Variants in DLEU7 observed in about 807,000 individuals in gnomAD.
DLEU7 encodes deleted in lymphocytic leukemia 7, also known as leukemia-associated protein 7.
In DLEU7, 17 loss-of-function variants were observed where a neutral mutation model predicts 16.0. The ratio of observed to expected loss-of-function variants is 1.06; its 90% confidence interval spans 0.73 to 1.59. The LOEUF is 1.59. DLEU7 is among the 40% of genes most tolerant of loss of function. The probability of loss-of-function intolerance (pLI) is 0.00; values close to 1 mark genes in which losing one functional copy is unlikely to be tolerated. For synonymous variants in DLEU7, 113 were observed against 139.8 expected, an observed-to-expected ratio of 0.81 and a Z score of 1.35; for missense variants, 308 against 314.9, an observed-to-expected ratio of 0.98 and a Z score of 0.17.
At chr13:50,818,658 A>G (rs990847448), downstream of DLEU7, 1 of 152,170 alleles carries the variant, frequency 6.6e-6, no homozygotes, top group East Asian at 1.9e-4. Context: ...AACAATGGAA[A>G]TGTATTCTCT....
intron 1 of DLEU7, among the ~76,000 whole-genome samples, chr13:50,773,189 A>C (rs545500655): frequency 6.6e-6 from 1 of 152,288 alleles, no homozygotes; most frequent in African/African-American, 2.4e-5. Context: ...CAAGGTTTTT[A>C]GCTTCCTTGC....
chr13:50,783,149 A>G (rs1875702557), intron 1 of DLEU7, among the ~76,000 whole-genome samples: 1 of 152,126 alleles, frequency 6.6e-6, no homozygotes, highest in Non-Finnish European at 1.5e-5. Context: ...GTGTTTCTCC[A>G]TTTCTCAGGG....
chr13:50,839,603 G>A (rs1264910729), intron 1 of DLEU7, among the ~76,000 whole-genome samples: 1 of 152,130 alleles, frequency 6.6e-6, no homozygotes, highest in Non-Finnish European at 1.5e-5. Flanking sequence ...TAGGCATGAG[G>A]CTAAAGCTGA....
At chr13:50,730,729 A>G (rs1242797324) in intron 1 of DLEU7, among the ~76,000 whole-genome samples, 1 of 152,196 alleles carries the variant, frequency 6.6e-6, no homozygotes. Flanking sequence ...AATTCACTCA[A>G]TGGCTGCATC....
chr13:50,831,891 A>G (rs1193021496), intron 1 of DLEU7, among the ~76,000 whole-genome samples: 1 of 152,172 alleles, frequency 6.6e-6, no homozygotes, highest in African/African-American at 2.4e-5. Flanking sequence ...GTTTGCCAGT[A>G]TTTTACTGAG....
At chr13:50,786,197 A>C (rs1460816449) in intron 1 of DLEU7, among the ~76,000 whole-genome samples, 1 of 152,168 alleles carries the variant, frequency 6.6e-6, no homozygotes, top group Non-Finnish European at 1.5e-5. Context: ...CCATCATCAA[A>C]GAGCCTGATT....
At chr13:50,840,055 T>C (rs1391968639) in intron 1 of DLEU7, 4 of 152,194 alleles carry the variant, frequency 2.6e-5, no homozygotes, top group African/African-American at 7.2e-5. Context: ...ATCTGCGCCA[T>C]GGGCTTTAGT....
chr13:50,730,880 G>A (rs891602828), intron 1 of DLEU7, among the ~76,000 whole-genome samples: 22 of 152,180 alleles, frequency 1.4e-4, no homozygotes, highest in South Asian at 4.2e-4. Context: ...TGGAGACAGG[G>A]AATCCATGGC....
chr13:50,742,162 G>A (rs1161785875), intron 1 of DLEU7, among the ~76,000 whole-genome samples: 1 of 152,028 alleles, frequency 6.6e-6, no homozygotes, highest in East Asian at 1.9e-4. Flanking sequence ...GGAAGTTTAG[G>A]TACAAGAGAT....
At chr13:50,812,116 T>C (rs1024204963) in intron 1 of DLEU7, among the ~76,000 whole-genome samples, 3 of 150,198 alleles carry the variant, frequency 2.0e-5, no homozygotes, top group Non-Finnish European at 4.4e-5. Flanking sequence ...AGTTGGTGAA[T>C]ATCAGTGGGG....
intron 1 of DLEU7, among the ~76,000 whole-genome samples, chr13:50,787,756 C>G (rs963501431): frequency 2.6e-5 from 4 of 151,898 alleles, no homozygotes; most frequent in Admixed American, 2.6e-4. Flanking sequence ...ATAGCAGCAC[C>G]CAAGACTCCC....
At chr13:50,814,678 T>TACACACACACACAC in intron 1 of DLEU7, among the ~76,000 whole-genome samples, 1 of 140,336 alleles carries the variant, frequency 7.1e-6, no homozygotes, top group South Asian at 2.6e-4. Context: ...TACATAGAAC[T>TACACACACACACAC]ACACACACAC....
intron 1 of DLEU7, among the ~76,000 whole-genome samples, chr13:50,783,851 C>T (rs143911175): frequency 1.2e-4 from 19 of 152,330 alleles, no homozygotes; most frequent in South Asian, 1.0e-3. Context: ...GCCATAGGCT[C>T]TCCCCATGCT....
At chr13:50,720,466 A>G (rs957694243) in intron 1 of DLEU7, among the ~76,000 whole-genome samples, 3 of 152,238 alleles carry the variant, frequency 2.0e-5, no homozygotes, top group Non-Finnish European at 4.4e-5. Flanking sequence ...GTGATGATGT[A>G]TGTGAGAGCA....
At chr13:50,815,009 TTAAA>T (rs1234335280) in intron 1 of DLEU7, among the ~76,000 whole-genome samples, 1 of 152,040 alleles carries the variant, frequency 6.6e-6, no homozygotes, top group African/African-American at 2.4e-5. Context: ...ATAATTCTAT[TTAAA>T]TAAAAGGTAA....
intron 1 of DLEU7, among the ~76,000 whole-genome samples, chr13:50,840,398 T>G (rs1286518234): frequency 1.3e-5 from 2 of 152,188 alleles, no homozygotes; most frequent in African/African-American, 4.8e-5. Flanking sequence ...AGATATTACC[T>G]ATTCTGCAAA....
chr13:50,827,696 G>GA (rs1164537783), intron 1 of DLEU7, among the ~76,000 whole-genome samples: 7 of 151,826 alleles, frequency 4.6e-5, no homozygotes, highest in African/African-American at 1.7e-4. Flanking sequence ...CAAAGAAAAA[G>GA]AAAAAACAGA....
intron 1 of DLEU7, among the ~76,000 whole-genome samples, chr13:50,755,766 C>T (rs144465997): frequency 0.014 from 2,088 of 151,480 alleles, 52 homozygotes; most frequent in African/African-American, 0.047. Context: ...GGGGGGGGCA[C>T]GGTATTAAAG....
intron 1 of DLEU7, among the ~76,000 whole-genome samples, chr13:50,812,370 T>C (rs1458889306): frequency 6.6e-6 from 1 of 152,152 alleles, no homozygotes; most frequent in African/African-American, 2.4e-5. Flanking sequence ...CATTTCGGGT[T>C]TGACTGACAT....
Sources: allele counts gnomAD v4.1 joint callset (sites outside exome capture counted in the v4.1 genomes callset), GRCh38; gene constraint gnomAD v4.1.1; transcripts MANE v1.5; gene names NCBI Gene and HGNC (gene_info 2026-07-23, HGNC 2026-07-21).